The following PLCB1 variants were observed in gnomAD, a reference collection of about 807,000 sequenced individuals.
PLCB1 encodes the protein phospholipase C beta 1, also known as 1-phosphatidylinositol 4,5-bisphosphate phosphodiesterase beta-1.
A neutral mutation model predicts 161.8 loss-of-function variants in PLCB1; 46 were observed. That is an observed-to-expected ratio of 0.28 (90% CI 0.22 to 0.36). The LOEUF is 0.36. Ranked by LOEUF, PLCB1 falls within the 10% of genes least tolerant of loss-of-function variation. The pLI is 1.00. For missense variants in PLCB1, 1,016 were observed against 1,472.5 expected, an observed-to-expected ratio of 0.69 and a Z score of 5.07; for synonymous variants, 517 against 503.7, an observed-to-expected ratio of 1.03 and a Z score of -0.35.
intron 3 of PLCB1, among the ~76,000 whole-genome samples, chr20:8,557,499 T>C (rs973181858): frequency 3.3e-5 from 5 of 151,978 alleles, no homozygotes; most frequent in Admixed American, 6.6e-5. Context: ...AGGAGTCAAA[T>C]TTATAGAGGC....
intron 3 of PLCB1, among the ~76,000 whole-genome samples, chr20:8,456,450 AT>A (rs924172863): frequency 6.6e-6 from 1 of 151,982 alleles, no homozygotes. Flanking sequence ...GTTTTTGGGA[AT>A]TTTTTTTCTT....
intron 3 of PLCB1, among the ~76,000 whole-genome samples, chr20:8,427,071 C>A (rs1979814608): frequency 6.6e-6 from 1 of 152,064 alleles, no homozygotes; most frequent in Admixed American, 6.6e-5. Context: ...GCTACCACAT[C>A]TGGGTAATCT....
At chr20:8,262,408 A>G (rs975119887) in intron 2 of PLCB1, among the ~76,000 whole-genome samples, 4 of 152,048 alleles carry the variant, frequency 2.6e-5, no homozygotes, top group Non-Finnish European at 5.9e-5. Context: ...CCTTCTTAAC[A>G]CAAGGAAATA....
intron 26 of PLCB1, among the ~76,000 whole-genome samples, chr20:8,768,966 G>A (rs1430737876): frequency 1.3e-5 from 2 of 152,112 alleles, no homozygotes; most frequent in Non-Finnish European, 2.9e-5. Flanking sequence ...CAGGTATATA[G>A]TATGAACTTC....
intron 3 of PLCB1, among the ~76,000 whole-genome samples, chr20:8,469,279 T>G (rs1981947643): frequency 6.6e-6 from 1 of 152,170 alleles, no homozygotes; most frequent in African/African-American, 2.4e-5. Context: ...AACTTAAGAA[T>G]ACTCAGATTA....
chr20:8,162,278 A>T (rs2051633109), intron 2 of PLCB1, among the ~76,000 whole-genome samples: 1 of 152,184 alleles, frequency 6.6e-6, no homozygotes, highest in Admixed American at 6.5e-5. Context: ...TGTAAATTCC[A>T]TACTTAATTA....
chr20:8,372,394 A>C (rs1986931937), intron 3 of PLCB1, among the ~76,000 whole-genome samples: 1 of 152,212 alleles, frequency 6.6e-6, no homozygotes, highest in Non-Finnish European at 1.5e-5. Flanking sequence ...GAGGCGTAAA[A>C]AGGCAGTAGG....
At chr20:8,294,630 CAGAGCACAAGCACTCCTG>C (rs926096899) in intron 2 of PLCB1, among the ~76,000 whole-genome samples, 1 of 150,350 alleles carries the variant, frequency 6.7e-6, no homozygotes, top group African/African-American at 2.4e-5. Context: ...TTCCAACTAG[CAGAGCACAAGCACTCCTG>C]ATAAGATGGC....
At chr20:8,769,585 T>C (rs1012147005) in intron 26 of PLCB1, among the ~76,000 whole-genome samples, 17 of 152,238 alleles carry the variant, frequency 1.1e-4, no homozygotes, top group African/African-American at 3.4e-4. Flanking sequence ...GGAAATCTTA[T>C]GTAGAATTGG....
At chr20:8,709,188 A>C (rs561574689) in intron 12 of PLCB1, among the ~76,000 whole-genome samples, 4 of 152,166 alleles carry the variant, frequency 2.6e-5, no homozygotes, top group Non-Finnish European at 5.9e-5. Context: ...GCACTTACAC[A>C]GAACTCAGTT....
intron 2 of PLCB1, among the ~76,000 whole-genome samples, chr20:8,280,876 T>G (rs1188745643): frequency 6.6e-6 from 1 of 152,202 alleles, no homozygotes; most frequent in African/African-American, 2.4e-5. Context: ...CAAATTAACT[T>G]CCTTGTTTGG....
chr20:8,739,392 A>T, intron 21 of PLCB1, 32 bp downstream of exon 21: 2 of 1,302,326 alleles, frequency 1.5e-6, no homozygotes, highest in Non-Finnish European at 2.2e-6. Flanking sequence ...ACCTTTTATC[A>T]AAGTTGCAAA....
chr20:8,757,145 C>T lies in PLCB1; in HGVS notation c.2623C>T (p.Pro875Ser), dbSNP rs1568586909. 2.5e-6 allele frequency: 4 copies of T among 1,612,934 alleles called. No homozygotes were observed. The highest frequency in any genetic ancestry group is 3.4e-6 in the Non-Finnish European group (4 of 1,179,282). Residue 875 changes from proline (P) to serine (S), a missense_variant, in exon 24 of 32, where the codon CCC becomes TCC. By Grantham distance (74) the Pro-to-Ser change is moderately conservative. This residue lies in a region of PLCB1 where 398 missense variants were observed against 445.4 expected (regional missense o/e 0.89). Coordinates refer to ENST00000338037, the MANE Select transcript of PLCB1 (RefSeq NM_015192.4). ...NHTTTLTPKP[P>S]SQALHSQPAP... ...CACTACAACCCTGACACCCAAGCCA[C>T]CCTCCCAGGCTCTCCACAGCCAGCC... is the stretch of plus-strand genomic sequence containing the variant.
chr20:8,419,711 G>A (rs1410293890), intron 3 of PLCB1, among the ~76,000 whole-genome samples: 1 of 152,110 alleles, frequency 6.6e-6, no homozygotes, highest in Non-Finnish European at 1.5e-5. Flanking sequence ...CTTACAATGG[G>A]TTTATCGGAA....
chr20:8,815,638 C>T (rs1985050863), intron 31 of PLCB1, among the ~76,000 whole-genome samples: 1 of 152,174 alleles, frequency 6.6e-6, no homozygotes, highest in South Asian at 2.1e-4. Context: ...TAATCTTCAG[C>T]CTCCTTGCTT....
chr20:8,534,265 A>G (rs1274282358), intron 3 of PLCB1, among the ~76,000 whole-genome samples: 2 of 152,142 alleles, frequency 1.3e-5, no homozygotes, highest in Non-Finnish European at 2.9e-5. Flanking sequence ...ATGCCCGGTT[A>G]TTCTGGCTTC....
intron 3 of PLCB1, among the ~76,000 whole-genome samples, chr20:8,564,772 A>T (rs1426814514): frequency 6.6e-6 from 1 of 152,162 alleles, no homozygotes; most frequent in African/African-American, 2.4e-5. Flanking sequence ...AAATGCAAAT[A>T]AAAACCACAA....
chr20:8,429,994 T>G (rs708911), intron 3 of PLCB1, among the ~76,000 whole-genome samples: 72,336 of 151,624 alleles, frequency 0.48, 17,909 homozygotes, highest in African/African-American at 0.53. Flanking sequence ...CAGAATTCAG[T>G]GTGGGTAACA....
intron 18 of PLCB1, among the ~76,000 whole-genome samples, chr20:8,730,506 A>G (rs1980181152): frequency 6.6e-6 from 1 of 151,756 alleles, no homozygotes; most frequent in Non-Finnish European, 1.5e-5. Context: ...TATAATATGG[A>G]TTAATACCTG....
Sources: allele counts gnomAD v4.1 joint callset (sites outside exome capture counted in the v4.1 genomes callset), GRCh38; gene constraint gnomAD v4.1.1; regional missense constraint gnomAD v4.1.1; transcripts MANE v1.5; gene names NCBI Gene and HGNC (gene_info 2026-07-23, HGNC 2026-07-21).